The following REPIN1 variants were observed in gnomAD, a reference collection of about 807,000 sequenced individuals.
REPIN1 encodes DNA-binding protein REPIN1.
Under a neutral mutation model 5.7 loss-of-function variants are expected in REPIN1, and 4 were observed. The observed-to-expected ratio is 0.71, with a 90% CI of 0.35 to 1.62. REPIN1 has a LOEUF of 1.62. Among genes scored for constraint, REPIN1 ranks in the 40% most tolerant of loss-of-function variants. REPIN1 has a pLI of 0.05. For missense variants in REPIN1, 854 were observed against 901.0 expected (o/e 0.95, Z 0.67); for synonymous variants, 410 against 386.2 (o/e 1.06, Z -0.72).
At chr7:150,369,549 TG>T in intron 1 of REPIN1, 121 bp from the exon 2 acceptor site, 1 of 799,600 alleles carries the variant, frequency 1.3e-6, no homozygotes, top group Non-Finnish European at 2.1e-6. Flanking sequence ...AGGCAGGATG[TG>T]GGGCTTATGG....
rs759203694 is a variant in REPIN1 at position 150,371,913 on chromosome 7, C to A, written c.843C>A (p.Ala281=). Residue 281 remains alanine, a synonymous_variant, in exon 3 of 3, where the codon GCC becomes GCA. Coordinates refer to ENST00000489432, the MANE Select transcript of REPIN1 (RefSeq NM_001099695.2). ...PRPRGRPAVT[A]PRPGGDAVDR... is the part of the protein sequence containing the mutation. ...CCAGGGGCCGCCCCGCGGTGACCGC[C>A]CCCCGGCCCGGTGGAGATGCCGTCG... The A allele has an allele frequency of 1.5e-5, 24 of 1,608,248 alleles. No individual in the cohort carries two copies. Among genetic ancestry groups the A allele is most frequent in the Admixed American group, 1.7e-5 (1 of 59,838 alleles).
Position 150,372,898 on chromosome 7 carries a change from G to A in REPIN1, c.1828G>A (p.Asp610Asn), listed in dbSNP as rs780449997. The A allele has an allele frequency of 3.7e-6, 6 of 1,613,344 alleles. No individual in the cohort carries two copies. In the South Asian group the frequency reaches 4.4e-5, roughly 12 times the overall value. Reference sequence around the variant, plus strand: ...CTGTGCCATCTGTGGCCAGACCTTCGACGACGAGGAGAGACTCCTGGCCCA... The same window carrying A: ...CTGTGCCATCTGTGGCCAGACCTTCAACGACGAGGAGAGACTCCTGGCCCA... ...FCCAICGQTFDDEERLLAHQK... is the reference protein window; with the variant it reads ...FCCAICGQTFNDEERLLAHQK... The change falls in exon 3 of 3, where the codon GAC becomes AAC. Residue 610 changes from aspartate to asparagine, a missense_variant. Around this residue, in one of 5 missense-constraint regions of REPIN1, gnomAD observed 101 missense variants for 124.7 expected, o/e 0.81. Transcript: ENST00000489432.
Position 150,369,816 on chromosome 7 carries a change from C to T in REPIN1, c.105C>T (p.Asn35=). 6.2e-7 allele frequency: 1 copy of T among 1,613,656 alleles called. No homozygotes were observed. The highest frequency in any genetic ancestry group is 8.5e-7 in the Non-Finnish European group (1 of 1,179,604). Reference sequence around the variant, plus strand: ...GCAGCCGCGGAAGTATCCCCAGGAACATCCCCAAGAGGAGCTGGAAAAAGC... The same window carrying T: ...GCAGCCGCGGAAGTATCCCCAGGAATATCCCCAAGAGGAGCTGGAAAAAGC... The part of the protein sequence containing the change: ...RRCSRGSIPR[N]IPKRSWKKPH... The change falls in exon 2 of 3, where the codon AAC becomes AAT. Residue 35 remains asparagine (N), a synonymous_variant. Transcript: ENST00000489432.
At position 150,373,291 on chromosome 7, in the gene REPIN1, T is replaced by C; in HGVS notation, c.*346T>C. On this transcript the variant is annotated 3_prime_UTR_variant, in exon 3 of 3. Coordinates refer to ENST00000489432, the MANE Select transcript of REPIN1 (RefSeq NM_001099695.2). Reference sequence around the variant, plus strand: ...GAAAGGAAGACCCTCCATCCTCTGGTATTAACGCCTTAATGCCCCTGTCTT... The same window carrying C: ...GAAAGGAAGACCCTCCATCCTCTGGCATTAACGCCTTAATGCCCCTGTCTT... 2 of 343,064 alleles carry C rather than the reference T, an allele frequency of 5.8e-6. No homozygotes were observed. The highest frequency in any genetic ancestry group is 1.1e-5 in the Non-Finnish European group (2 of 177,126). The allele number at this position is 343,064 out of a possible 1,614,324, so 21.3% of individuals were successfully genotyped here.
upstream of REPIN1, chr7:150,368,346 G>A (rs1379314702): frequency 6.6e-6 from 1 of 152,110 alleles, no homozygotes; most frequent in Non-Finnish European, 1.5e-5. Context: ...CGGGACCGCC[G>A]CGGCCGCAAG....
chr7:150,369,610 A>G, intron 1 of REPIN1, 61 bp from the exon 2 acceptor site: 5 of 1,501,494 alleles, frequency 3.3e-6, no homozygotes, highest in Non-Finnish European at 4.5e-6. Context: ...GTGAGGACAC[A>G]AAGCTGACTG....
At position 150,368,851 on chromosome 7, in the gene REPIN1, C is replaced by A. The variant is rs997725357; in HGVS notation, c.-132C>A. 3.1e-6 allele frequency: 1 copy of A among 320,712 alleles called. No individual in the cohort carries two copies. The highest frequency in any genetic ancestry group is 2.2e-5 in the African/African-American group (1 of 45,866). The allele number at this position is 320,712 out of a possible 1,614,324, so 19.9% of individuals were successfully genotyped here. A position where few individuals can be genotyped will look rare whatever the true frequency, so the allele number is the denominator to read the frequency against. On this transcript the variant is annotated 5_prime_UTR_variant, in exon 1 of 3. Transcript: ENST00000489432. Reference sequence around the variant, plus strand: ...GTGAACTCGAACCTGCCGCTGTCGCCGCGGCGGGGCGGGGAGCGAGAGTGG... The same window carrying A: ...GTGAACTCGAACCTGCCGCTGTCGCAGCGGCGGGGCGGGGAGCGAGAGTGG...
chr7:150,368,720 C>A (rs1227498774), upstream of REPIN1: 31 of 256,752 alleles, frequency 1.2e-4, no homozygotes, highest in Non-Finnish European at 1.2e-4. Flanking sequence ...TCCCTCCCCG[C>A]CCCCAGGCCG....
At chr7:150,370,821 G>C (rs1253807688) in intron 2 of REPIN1, 1 of 702,228 alleles carries the variant, frequency 1.4e-6, no homozygotes, top group East Asian at 2.7e-5. Context: ...TGTGGCATAG[G>C]AAACAGCAGA....
rs770043331 is a variant in REPIN1, at chr7:150,372,320, C to T, written c.1250C>T (p.Pro417Leu). 9.9e-6 allele frequency: 15 copies of T among 1,519,744 alleles called. No individual in the cohort carries two copies. In the South Asian group the frequency reaches 1.5e-4, roughly 15 times the overall value. 94.1% of individuals were successfully genotyped at this position (1,519,744 alleles called of 1,614,324 possible). The change falls in exon 3 of 3, where the codon CCG becomes CTG. Residue 417 changes from proline (P) to leucine (L), a missense_variant. By Grantham distance (98) the Pro-to-Leu change is moderately conservative (BLOSUM62 -3). Transcript: ENST00000489432. The stretch of plus-strand genomic sequence containing the variant: ...GCCCAGGAGCCGCCGCCAGGGGCCC[C>T]GCCAGAGCACCCGCAGGACCCGATC... ...KPAQEPPPGA[P>L]PEHPQDPIEA...
At position 150,371,323 on chromosome 7, in the gene REPIN1, C is replaced by T. The variant is rs1289685830; in HGVS notation, c.253C>T (p.Pro85Ser). 1 of 1,584,928 alleles carries T rather than the reference C, an allele frequency of 6.3e-7. No homozygotes were observed. Among genetic ancestry groups the T allele is most frequent in the Non-Finnish European group, 8.6e-7 (1 of 1,166,618 alleles). ...CCTTTCTGGGCCCTCCCAGGAGTCACCCCAGACCCTGGGGAAGGAGTCCCG... is the reference window on the plus strand; with the variant it reads ...CCTTTCTGGGCCCTCCCAGGAGTCATCCCAGACCCTGGGGAAGGAGTCCCG... ...RLLSGPSQES[P>S]QTLGKESRGL... The change falls in exon 3 of 3, where the codon CCC becomes TCC. Residue 85 changes from proline (P) to serine (S), a missense_variant. Physicochemically the swap from Pro to Ser is moderately conservative, Grantham distance 74 (BLOSUM62 -1). Transcript: ENST00000489432.
At chr7:150,368,753 A>C, upstream of REPIN1, 1 of 272,012 alleles carries the variant, frequency 3.7e-6, no homozygotes, top group Non-Finnish European at 6.7e-6. Flanking sequence ...CCGGCGACTG[A>C]CCCTCGGCAG....
upstream of REPIN1, chr7:150,368,750 C>T (rs1033436790): frequency 8.2e-4 from 227 of 276,170 alleles, no homozygotes; most frequent in African/African-American, 4.7e-3. Flanking sequence ...GAGCCGGCGA[C>T]TGACCCTCGG....
rs1355358243 is a variant in REPIN1 at position 150,372,162 on chromosome 7, G to C, written c.1092G>C (p.Leu364=). Residue 364 remains leucine (L), a synonymous_variant, in exon 3 of 3, where the codon CTG becomes CTC. Coordinates refer to ENST00000489432, the MANE Select transcript of REPIN1 (RefSeq NM_001099695.2). ...GCCGCTTCCGGCACAAACCCAACCT[G>C]CTGTCTCACAGCAAGATTCACAAGC... ...CGRRFRHKPN[L]LSHSKIHKRS... is the part of the protein sequence containing the mutation. 1.2e-6 allele frequency: 2 copies of C among 1,610,908 alleles called. No homozygotes were observed. Among genetic ancestry groups the C allele is most frequent in the Non-Finnish European group, 1.7e-6 (2 of 1,179,324 alleles).
At chr7:150,370,337 C>G in intron 2 of REPIN1, 1 of 259,426 alleles carries the variant, frequency 3.9e-6, no homozygotes, top group Non-Finnish European at 7.6e-6. Flanking sequence ...TGTGGGTGTT[C>G]CTTGGATTCA....
chr7:150,372,188 G>A lies in REPIN1; in HGVS notation c.1118G>A (p.Arg373Gln), dbSNP rs1245292758. 6.2e-7 allele frequency: 1 copy of A among 1,603,096 alleles called. No homozygotes were observed. The highest frequency in any genetic ancestry group is 8.5e-7 in the Non-Finnish European group (1 of 1,177,150). Residue 373 changes from arginine (R) to glutamine (Q), a missense_variant, in exon 3 of 3, where the codon CGA becomes CAA. Around this residue, in one of 5 missense-constraint regions of REPIN1, gnomAD observed 327 missense variants for 307.8 expected, o/e 1.06. Coordinates refer to ENST00000489432, the MANE Select transcript of REPIN1 (RefSeq NM_001099695.2). The stretch of plus-strand genomic sequence containing the variant: ...CTGTCTCACAGCAAGATTCACAAGC[G>A]ATCCGAGGGGTCGGCCCAGGCCGCC... ...NLLSHSKIHKRSEGSAQAAPG... is the reference protein window; with the variant it reads ...NLLSHSKIHKQSEGSAQAAPG...
intron 1 of REPIN1, 96 bp downstream of exon 1, chr7:150,369,037 A>G: frequency 5.4e-6 from 1 of 184,864 alleles, no homozygotes; most frequent in Non-Finnish European, 9.2e-6. Context: ...ACCGTGTGTG[A>G]GTGCGCGGGG....
At chr7:150,369,498 C>A in intron 1 of REPIN1, 173 bp from the exon 2 acceptor site, 1 of 609,584 alleles carries the variant, frequency 1.6e-6, no homozygotes, top group Non-Finnish European at 3.0e-6. Context: ...TGAAGGGGCA[C>A]ATTCATTTAT....
upstream of REPIN1, chr7:150,368,650 C>G (rs1373812948): frequency 5.1e-6 from 1 of 196,008 alleles, no homozygotes; most frequent in Non-Finnish European, 1.0e-5. Context: ...CCTGGCGCGG[C>G]AGTGGCTTGA....
Sources: gnomAD v4.1 joint callset for allele counts on GRCh38, gnomAD v4.1.1 for gene constraint, gnomAD v4.1.1 regional missense constraint, MANE v1.5 for transcripts, NCBI Gene and HGNC (gene_info 2026-07-23, HGNC 2026-07-21) for gene names.